Variants in EPHA4 observed in about 807,000 individuals in gnomAD.
EPHA4 encodes the protein ephrin type-A receptor 4.
A neutral mutation model predicts 108.3 loss-of-function variants in EPHA4; 19 were observed. The observed-to-expected ratio is 0.18, with a 90% CI of 0.12 to 0.26. The LOEUF (loss-of-function observed/expected upper bound fraction) is 0.26, where lower values mean the gene tolerates loss of function less well. Ranked by LOEUF, EPHA4 falls within the 10% of genes least tolerant of loss-of-function variation. The pLI is 1.00. For synonymous variants in EPHA4, 449 were observed against 455.5 expected, an observed-to-expected ratio of 0.99 and a Z score of 0.18; for missense variants, 917 against 1,254.0, an observed-to-expected ratio of 0.73 and a Z score of 4.06.
chr2:221,485,716 A>G (rs907697984), intron 4 of EPHA4, among the ~76,000 whole-genome samples: 7 of 152,124 alleles, frequency 4.6e-5, no homozygotes, highest in Non-Finnish European at 5.9e-5. Flanking sequence ...TTAAAAGATT[A>G]CAAATATATA....
intron 8 of EPHA4, among the ~76,000 whole-genome samples, chr2:221,448,054 C>T (rs1050858422): frequency 1.3e-5 from 2 of 152,076 alleles, no homozygotes; most frequent in African/African-American, 2.4e-5. Flanking sequence ...GTTGGCCAAG[C>T]TGGTCTCAAA....
At chr2:221,455,972 C>A (rs768747425) in intron 7 of EPHA4, among the ~76,000 whole-genome samples, 1 of 152,108 alleles carries the variant, frequency 6.6e-6, no homozygotes, top group Non-Finnish European at 1.5e-5. Flanking sequence ...AATTTGTGAA[C>A]AAAATTTCTT....
chr2:221,526,224 G>A lies in EPHA4; in HGVS notation c.824-25052C>T, dbSNP rs184233519. Among the ~76,000 whole-genome samples, 17 of 151,184 alleles carry A rather than the reference G, an allele frequency of 1.1e-4. No individual in the cohort carries two copies. The East Asian group carries it at 3.3e-3, about 30-fold the overall frequency. On this transcript the variant is annotated intron_variant, in intron 3 of 17. Coordinates refer to ENST00000281821, the MANE Select transcript of EPHA4 (RefSeq NM_004438.5). Reference sequence around the variant, plus strand: ...GTGTCAGGATTTGAAGCAAGGCAGTGTAATTCCGGCACTTTATATACATAA... The same window carrying A: ...GTGTCAGGATTTGAAGCAAGGCAGTATAATTCCGGCACTTTATATACATAA...
At chr2:221,515,102 T>A (rs1692952505) in intron 3 of EPHA4, among the ~76,000 whole-genome samples, 1 of 152,124 alleles carries the variant, frequency 6.6e-6, no homozygotes, top group African/African-American at 2.4e-5. Context: ...TCAATTTTTG[T>A]TTGTTTGTTT....
At chr2:221,499,158 G>T (rs1692396351) in intron 4 of EPHA4, among the ~76,000 whole-genome samples, 2 of 150,146 alleles carry the variant, frequency 1.3e-5, no homozygotes, top group African/African-American at 4.9e-5. Context: ...GCTTGACTTG[G>T]GAGAGCCAGC....
chr2:221,536,328 TATAAG>T (rs1693667228), intron 3 of EPHA4, among the ~76,000 whole-genome samples: 1 of 152,194 alleles, frequency 6.6e-6, no homozygotes, highest in African/African-American at 2.4e-5. Context: ...CTCTAAAGAT[TATAAG>T]CCTTTTGGAA....
intron 4 of EPHA4, among the ~76,000 whole-genome samples, chr2:221,486,596 T>C (rs974295172): frequency 1.3e-5 from 2 of 151,850 alleles, no homozygotes; most frequent in African/African-American, 4.8e-5. Context: ...TAGCCAGGTG[T>C]GCTGGCACAC....
chr2:221,444,744 C>CTTTTTTTTTTTTTT (rs71266317), intron 9 of EPHA4, among the ~76,000 whole-genome samples: 33 of 74,984 alleles, frequency 4.4e-4, no homozygotes, highest in Non-Finnish European at 5.3e-4. Flanking sequence ...TTTTTTCTAT[C>CTTTTTTTTTTTTTT]TTTTTTTTTT....
chr2:221,444,990 T>C (rs1430227), intron 9 of EPHA4, among the ~76,000 whole-genome samples: 40,018 of 151,944 alleles, frequency 0.26, 5,558 homozygotes, highest in African/African-American at 0.35. Context: ...ACTCCAGATC[T>C]CAAGTGATCT....
At chr2:221,528,220 G>A (rs1462630012) in intron 3 of EPHA4, among the ~76,000 whole-genome samples, 8 of 152,172 alleles carry the variant, frequency 5.3e-5, no homozygotes, top group Admixed American at 4.6e-4. Context: ...TTAGCATTGT[G>A]GGAGAATGTA....
Position 221,572,284 on chromosome 2 carries a change from A to T in EPHA4, c.-36T>A. ...TGCCAACGCTGCTCCTGCCGCTTCT[A>T]TCCCAGTGGAATAAATGCTTAAGTT... is the stretch of plus-strand genomic sequence containing the variant. On this transcript the variant is annotated 5_prime_UTR_variant, in exon 1 of 18. Transcript: ENST00000281821. The T allele has an allele frequency of 6.4e-7, 1 of 1,552,122 alleles. No homozygotes were observed. The highest frequency in any genetic ancestry group is 8.9e-7 in the Non-Finnish European group (1 of 1,123,626).
At chr2:221,438,987 C>A (rs1690331655) in intron 11 of EPHA4, among the ~76,000 whole-genome samples, 1 of 152,028 alleles carries the variant, frequency 6.6e-6, no homozygotes, top group Non-Finnish European at 1.5e-5. Context: ...ACCTTAGGGG[C>A]AAAAGTGTTG....
At chr2:221,556,477 T>G (rs1201657022) in intron 3 of EPHA4, among the ~76,000 whole-genome samples, 1 of 151,010 alleles carries the variant, frequency 6.6e-6, no homozygotes, top group Non-Finnish European at 1.5e-5. Context: ...TTGTATTTTT[T>G]TTTTTTTTTT....
chr2:221,439,608 C>T (rs898467860), intron 11 of EPHA4, among the ~76,000 whole-genome samples: 6 of 151,936 alleles, frequency 3.9e-5, no homozygotes, highest in Non-Finnish European at 2.9e-5. Context: ...CTGCCTCAGC[C>T]TCTTGAGTAG....
At position 221,430,044 on chromosome 2, in the gene EPHA4, C is replaced by A; in HGVS notation, c.2604G>T (p.Arg868Ser). The A allele has an allele frequency of 6.2e-7, 1 of 1,614,080 alleles. No individual in the cohort carries two copies. The highest frequency in any genetic ancestry group is 8.5e-7 in the Non-Finnish European group (1 of 1,180,018). Residue 868 changes from arginine to serine, a missense_variant, in exon 15 of 18, where the codon AGG (arginine) becomes AGT (serine). Arg to Ser is a moderately radical substitution (Grantham distance 110, BLOSUM62 -1). Coordinates refer to ENST00000281821, the MANE Select transcript of EPHA4 (RefSeq NM_004438.5). ...LDCWQKERSDRPKFGQIVNML... is the reference protein window; with the variant it reads ...LDCWQKERSDSPKFGQIVNML... ...TGTTGACAATCTGCCCAAATTTAGG[C>A]CTGTCGCTCCTCTCCTTCTGCCAGC...
chr2:221,525,144 G>C (rs1403737324), intron 3 of EPHA4, among the ~76,000 whole-genome samples: 2 of 152,144 alleles, frequency 1.3e-5, no homozygotes, highest in East Asian at 3.9e-4. Context: ...ATGCAGACTA[G>C]ACCAACCTGT....
At chr2:221,431,376 C>G (rs1427891151) in intron 14 of EPHA4, among the ~76,000 whole-genome samples, 3 of 152,186 alleles carry the variant, frequency 2.0e-5, no homozygotes, top group Non-Finnish European at 4.4e-5. Flanking sequence ...AGAAAAGAGT[C>G]TGTTGGGTCC....
chr2:221,520,200 T>G (rs536635910), intron 3 of EPHA4, among the ~76,000 whole-genome samples: 22 of 152,176 alleles, frequency 1.4e-4, no homozygotes, highest in Non-Finnish European at 2.9e-4. Context: ...AGCCCCAATT[T>G]GTCCCTCAAA....
intron 4 of EPHA4, among the ~76,000 whole-genome samples, chr2:221,493,788 G>C (rs1461049162): frequency 6.6e-6 from 1 of 152,168 alleles, no homozygotes; most frequent in Non-Finnish European, 1.5e-5. Flanking sequence ...TTTGTTGTTT[G>C]GAACTTGGCT....
Sources: allele counts gnomAD v4.1 joint callset (sites outside exome capture counted in the v4.1 genomes callset), GRCh38; gene constraint gnomAD v4.1.1; transcripts MANE v1.5; gene names NCBI Gene and HGNC (gene_info 2026-07-23, HGNC 2026-07-21).